Variants in GGT1 observed in about 807,000 individuals in gnomAD.
GGT1 encodes the protein glutathione hydrolase 1 proenzyme.
A neutral mutation model predicts 56.0 loss-of-function variants in GGT1; 21 were observed. That is an observed-to-expected ratio of 0.38 (90% CI 0.27 to 0.54). The LOEUF (loss-of-function observed/expected upper bound fraction) is 0.54, where lower values mean the gene tolerates loss of function less well. Among genes scored for constraint, GGT1 ranks in the 20% least tolerant of loss-of-function variants. The pLI is 0.82. For missense variants in GGT1, 466 were observed against 787.0 expected (o/e 0.59, Z 4.88); for synonymous variants, 238 against 342.6 (o/e 0.69, Z 3.37).
intron 7 of GGT1, among the ~76,000 whole-genome samples, chr22:24,617,193 C>G (rs2047125548): frequency 6.6e-6 from 1 of 152,130 alleles, no homozygotes; most frequent in South Asian, 2.1e-4. Flanking sequence ...AGCAAAGACC[C>G]AGAGGCAGAG....
intron 7 of GGT1, among the ~76,000 whole-genome samples, chr22:24,616,459 C>G (rs546507225): frequency 1.1e-4 from 16 of 151,444 alleles, no homozygotes; most frequent in Non-Finnish European, 1.6e-4. Flanking sequence ...ACACACTCAC[C>G]ATAGCAGGTC....
At chr22:24,612,573 C>T (rs529220043) in intron 5 of GGT1, among the ~76,000 whole-genome samples, 39 of 151,752 alleles carry the variant, frequency 2.6e-4, no homozygotes, top group African/African-American at 4.8e-4. Context: ...GTCTCCCAGG[C>T]TGGAGTGCAG....
upstream of GGT1, among the ~76,000 whole-genome samples, chr22:24,602,013 C>G (rs914186276): frequency 9.2e-5 from 14 of 152,042 alleles, no homozygotes; most frequent in African/African-American, 3.4e-4. Context: ...GTTACTGGGC[C>G]CGGTGACACA....
chr22:24,606,081 ATATAT>A lies in GGT1; in HGVS notation c.-428-1866_-428-1862del, dbSNP rs1215074881. Among the ~76,000 whole-genome samples the A allele has an allele frequency of 2.3e-4, 25 of 106,942 alleles. 1 individual carries two copies. Among genetic ancestry groups the A allele is most frequent in the African/African-American group, 4.3e-4 (9 of 20,984 alleles). 70.2% of individuals were successfully genotyped at this position (106,942 alleles called of 152,430 possible). A position where few individuals can be genotyped will look rare whatever the true frequency, so the allele number is the denominator to read the frequency against. On this transcript the variant is annotated intron_variant, in intron 1 of 15. Transcript: ENST00000400382. ...ATTTATATAATTTATATAATATATC[ATATAT>A]TATATTTATATAATTTATATAATAT...
the GGT1 span, among the ~76,000 whole-genome samples, chr22:24,587,207 C>A: frequency 6.6e-6 from 1 of 152,262 alleles, no homozygotes; most frequent in South Asian, 2.1e-4. Context: ...CTGTACAGGG[C>A]ACCGGGGATA....
rs974439298 is a variant in GGT1, at chr22:24,610,299, G to A, written c.-240G>A. ...AGCTAGAGGCAGAGGGAGGTAACAC[G>A]GAGTCCCCCAGAAAGGTCTGGGCTG... On this transcript the variant is annotated 5_prime_UTR_variant, in exon 4 of 16. Transcript: ENST00000400382. The A allele has an allele frequency of 2.2e-4, 65 of 301,630 alleles. No individual in the cohort carries two copies. Among genetic ancestry groups the A allele is most frequent in the African/African-American group, 1.2e-3 (55 of 44,736 alleles). The allele number at this position is 301,630 out of a possible 1,614,324, so 18.7% of individuals were successfully genotyped here. A position where few individuals can be genotyped will look rare whatever the true frequency, so the allele number is the denominator to read the frequency against.
At chr22:24,585,797 G>T in the GGT1 span, 3 of 1,260,064 alleles carry the variant, frequency 2.4e-6, no homozygotes, top group Non-Finnish European at 2.1e-6. Context: ...ATTTCTGGGG[G>T]CCTGTGAGTC....
rs1356370030 is a variant in GGT1, at chr22:24,623,259, G to A, written c.883+3G>A. On this transcript the variant is annotated splice_donor_region_variant and intron_variant, in intron 10 of 15. Transcript: ENST00000400382. Reference sequence around the variant, plus strand: ...CCTCATCCTCAACATCCTCAAAGGTGAGTGGTCGCACCACAGCCGTGTGGT... The same window carrying A: ...CCTCATCCTCAACATCCTCAAAGGTAAGTGGTCGCACCACAGCCGTGTGGT... 1 of 1,567,988 alleles carries A rather than the reference G, an allele frequency of 6.4e-7. No homozygotes were observed. Among genetic ancestry groups the A allele is most frequent in the Non-Finnish European group, 8.7e-7 (1 of 1,155,812 alleles).
At chr22:24,606,210 C>T (rs868103373) in intron 1 of GGT1, among the ~76,000 whole-genome samples, 4 of 147,324 alleles carry the variant, frequency 2.7e-5, no homozygotes, top group Middle Eastern at 3.2e-3. Flanking sequence ...CATATGTATA[C>T]ATGTGCCATG....
At chr22:24,586,031 C>G in the GGT1 span, 3 of 1,611,058 alleles carry the variant, frequency 1.9e-6, no homozygotes, top group Non-Finnish European at 2.5e-6. Flanking sequence ...GGTGCGCTGG[C>G]TCAGCCGCCG....
At chr22:24,624,784 A>G (rs1186673587) in intron 11 of GGT1, 19 of 393,770 alleles carry the variant, frequency 4.8e-5, no homozygotes, top group Admixed American at 1.9e-4. Context: ...AGAAACTTCT[A>G]TCTGCTGCCT....
intron 1 of GGT1, among the ~76,000 whole-genome samples, chr22:24,595,840 G>C (rs1295025670): frequency 6.6e-6 from 1 of 152,214 alleles, no homozygotes; most frequent in Non-Finnish European, 1.5e-5. Context: ...ACTGCCTCTG[G>C]GCCCTTCTCT....
At chr22:24,613,436 T>C (rs1228552639) in intron 5 of GGT1, among the ~76,000 whole-genome samples, 2 of 152,180 alleles carry the variant, frequency 1.3e-5, no homozygotes, top group Middle Eastern at 6.3e-3. Flanking sequence ...ATAAAAGTCA[T>C]GTACATTTGT....
the GGT1 span, among the ~76,000 whole-genome samples, chr22:24,584,948 C>T: frequency 6.6e-6 from 1 of 151,936 alleles, no homozygotes; most frequent in Admixed American, 6.6e-5. Context: ...TTCCCCCTGC[C>T]AAGGGCAGCC....
chr22:24,588,747 T>C, the GGT1 span: 2 of 1,046,322 alleles, frequency 1.9e-6, no homozygotes, highest in Non-Finnish European at 2.3e-6. Flanking sequence ...TCCCAGGGAG[T>C]AGGAACAAGC....
At chr22:24,621,288 G>A (rs554055554) in intron 9 of GGT1, among the ~76,000 whole-genome samples, 28 of 152,080 alleles carry the variant, frequency 1.8e-4, no homozygotes, top group Admixed American at 7.8e-4. Context: ...TGGGGTAAAT[G>A]CAGGTGTAGG....
At chr22:24,607,826 G>C (rs191748017) in intron 1 of GGT1, 128 bp from the exon 2 acceptor site, 1 of 326,780 alleles carries the variant, frequency 3.1e-6, no homozygotes, top group East Asian at 1.1e-4. Context: ...CCAATTCGGA[G>C]GCCCCCTGAG....
chr22:24,595,403 C>T (rs77133059), intron 1 of GGT1, among the ~76,000 whole-genome samples: 3,798 of 152,320 alleles, frequency 0.025, 147 homozygotes, highest in African/African-American at 0.084. Context: ...CACATGTGTT[C>T]TTCACGGAGG....
chr22:24,600,555 C>T (rs2045765956), upstream of GGT1, among the ~76,000 whole-genome samples: 1 of 152,242 alleles, frequency 6.6e-6, no homozygotes, highest in African/African-American at 2.4e-5. Flanking sequence ...CCTGACATCA[C>T]AGGTGGGTGC....
Sources: gnomAD v4.1 joint callset for allele counts (sites outside exome capture counted in the v4.1 genomes callset) on GRCh38, gnomAD v4.1.1 for gene constraint, MANE v1.5 for transcripts, NCBI Gene and HGNC (gene_info 2026-07-23, HGNC 2026-07-21) for gene names.